The following PIEZO2 variants were observed in gnomAD, a reference collection of about 807,000 sequenced individuals.
PIEZO2 encodes piezo type mechanosensitive ion channel component 2.
PIEZO2 carries 172 observed loss-of-function variants against 337.3 expected under a neutral mutation model. That is an observed-to-expected ratio of 0.51 (90% confidence interval 0.45 to 0.58). PIEZO2 has a LOEUF of 0.58. PIEZO2 is among the 20% of genes least tolerant of loss of function. The pLI, the probability that PIEZO2 is intolerant of heterozygous loss-of-function variation, is 0.00. For synonymous variants in PIEZO2, 1,251 were observed against 1,228.5 expected (o/e 1.02, Z -0.38); for missense variants, 3,028 against 3,391.3 (o/e 0.89, Z 2.66).
At chr18:10,786,109 C>T (rs2039213827) in intron 16 of PIEZO2, among the ~76,000 whole-genome samples, 1 of 152,208 alleles carries the variant, frequency 6.6e-6, no homozygotes, top group Non-Finnish European at 1.5e-5. Flanking sequence ...TCTTCTAATG[C>T]TTCAACTGTA....
chr18:10,740,906 AC>A lies in PIEZO2; in HGVS notation c.4708+124del, dbSNP rs1436782079. The A allele has an allele frequency of 3.0e-6, 3 of 1,009,658 alleles. No homozygotes were observed. The South Asian group carries it at 4.1e-5, about 14-fold the overall frequency. The allele number at this position is 1,009,658 out of a possible 1,614,324, so 62.5% of individuals were successfully genotyped here. On this transcript the variant is annotated intron_variant, in intron 33 of 55. Transcript: ENST00000674853. ...GACATTAAAATTTTCCTACACTCCG[AC>A]CCCCTATCAAGTCACAAGGATCAAA...
At chr18:11,098,129 A>G (rs1469097380) in intron 1 of PIEZO2, among the ~76,000 whole-genome samples, 2 of 152,142 alleles carry the variant, frequency 1.3e-5, no homozygotes, top group African/African-American at 4.8e-5. Context: ...TATAAGCAAG[A>G]TAATGTGGAA....
At chr18:11,091,444 A>G (rs1228729819) in intron 1 of PIEZO2, among the ~76,000 whole-genome samples, 1 of 152,146 alleles carries the variant, frequency 6.6e-6, no homozygotes, top group Non-Finnish European at 1.5e-5. Context: ...ATTTTCTACT[A>G]AATGTATAGG....
At chr18:10,818,877 G>T (rs1816787202) in intron 7 of PIEZO2, among the ~76,000 whole-genome samples, 1 of 152,102 alleles carries the variant, frequency 6.6e-6, no homozygotes, top group African/African-American at 2.4e-5. Context: ...TTTTCAGTTA[G>T]AATATATAAC....
chr18:10,860,107 T>C, intron 5 of PIEZO2, among the ~76,000 whole-genome samples: 1 of 152,184 alleles, frequency 6.6e-6, no homozygotes, highest in South Asian at 2.1e-4. Context: ...GCATTCTTCT[T>C]GGAGGTATCC....
At chr18:10,966,676 T>C (rs1033968898) in intron 3 of PIEZO2, among the ~76,000 whole-genome samples, 1 of 152,180 alleles carries the variant, frequency 6.6e-6, no homozygotes, top group African/African-American at 2.4e-5. Context: ...GTTACATGAA[T>C]AAGTTCTTTA....
At position 10,803,905 on chromosome 18, in the gene PIEZO2, G is replaced by A. The variant is rs201658108; in HGVS notation, c.1170C>T (p.Tyr390=). ...TCTCATCAGTGGGGTAATGGGTTGC[G>A]TACCACAGGCTCCGCCTCCTCCCCG... is the stretch of plus-strand genomic sequence containing the variant. ...ITAGRRRSLW[Y]ATHYPTDERK... The change falls in exon 9 of 56, where the codon TAC becomes TAT. Residue 390 remains tyrosine (Y), a synonymous_variant. Transcript: ENST00000674853. 9.9e-5 allele frequency: 152 copies of A among 1,537,170 alleles called. No individual in the cohort carries two copies. The highest frequency in any genetic ancestry group is 5.1e-4 in the East Asian group (21 of 40,932).
chr18:10,882,187 G>T (rs1474165304), intron 4 of PIEZO2, among the ~76,000 whole-genome samples: 1 of 152,184 alleles, frequency 6.6e-6, no homozygotes, highest in East Asian at 1.9e-4. Context: ...TGTTTACTTG[G>T]CTGATTCCGT....
intron 2 of PIEZO2, among the ~76,000 whole-genome samples, chr18:11,055,618 TG>T (rs1341030176): frequency 2.7e-4 from 41 of 152,302 alleles, no homozygotes; most frequent in Non-Finnish European, 5.4e-4. Flanking sequence ...AGTGACTCAG[TG>T]ACTATTTGTG....
chr18:10,844,577 A>G (rs544404416), intron 7 of PIEZO2, among the ~76,000 whole-genome samples: 2 of 152,250 alleles, frequency 1.3e-5, no homozygotes, highest in East Asian at 3.9e-4. Flanking sequence ...TCACGAGGTC[A>G]GGAGATCCAG....
At chr18:10,690,877 T>C (rs2034788777) in intron 48 of PIEZO2, among the ~76,000 whole-genome samples, 1 of 152,202 alleles carries the variant, frequency 6.6e-6, no homozygotes, top group Admixed American at 6.5e-5. Flanking sequence ...CCAAGTTATT[T>C]GGAATAGTCC....
Position 10,973,284 on chromosome 18 carries a change from T to C in PIEZO2, c.286+6251A>G, listed in dbSNP as rs1175416430. 6.6e-6 allele frequency among the ~76,000 whole-genome samples: 1 copy of C among 152,186 alleles called. No homozygotes were observed. The highest frequency in any genetic ancestry group is 2.4e-5 in the African/African-American group (1 of 41,452). ...CTTTTGGCAGTAAAAACAATGTGTA[T>C]TCATTACTCCAAGAGCGTTGACTCC... On this transcript the variant is annotated intron_variant, in intron 3 of 55. Transcript: ENST00000674853. The surrounding 1 kb of genome is among the most constrained non-coding windows in gnomAD (Gnocchi z 4.9).
intron 33 of PIEZO2, among the ~76,000 whole-genome samples, chr18:10,737,408 C>A (rs139283555): frequency 6.6e-6 from 1 of 152,166 alleles, no homozygotes; most frequent in Admixed American, 6.5e-5. Context: ...CCAACAACAG[C>A]GCTCTGGCTG....
chr18:11,011,895 C>A (rs1282828838), intron 2 of PIEZO2, among the ~76,000 whole-genome samples: 3 of 152,200 alleles, frequency 2.0e-5, no homozygotes, highest in Non-Finnish European at 4.4e-5. Context: ...GTGGGAGGAT[C>A]ACTTGAGCCC....
Position 10,680,290 on chromosome 18 carries a change from T to C in PIEZO2, c.7861A>G (p.Thr2621Ala), listed in dbSNP as rs1294214910. The C allele has an allele frequency of 1.9e-6, 3 of 1,613,866 alleles. No individual in the cohort carries two copies. The highest frequency in any genetic ancestry group is 1.7e-5 in the Admixed American group (1 of 60,010). The stretch of plus-strand genomic sequence containing the variant: ...TTCTGCTTACTGGGTGGGCTGATGG[T>C]CCACAAAGAATTTGAGTTTCCTTCC... The part of the protein sequence containing the change: ...ELEGNSNSLW[T>A]ISPPSKQKMI... Residue 2621 changes from threonine to alanine, a missense_variant, in exon 52 of 56, where the codon ACC (threonine) becomes GCC (alanine). Thr to Ala is a moderately conservative substitution (Grantham distance 58). This residue lies in a region of PIEZO2 where 332 missense variants were observed against 363.8 expected (regional missense o/e 0.91). Coordinates refer to ENST00000674853, the MANE Select transcript of PIEZO2 (RefSeq NM_001378183.1).
At position 10,803,813 on chromosome 18, in the gene PIEZO2, T is replaced by C. The variant is rs753722504; in HGVS notation, c.1200+62A>G. The stretch of plus-strand genomic sequence containing the variant: ...ATATATGATATTATAAGGCTCATAT[T>C]CAACAGTAAAATACAAAAACAGAAA... On this transcript the variant is annotated intron_variant, in intron 9 of 55. Transcript: ENST00000674853. 2.1e-4 allele frequency: 315 copies of C among 1,523,820 alleles called. 1 individual carries two copies. The highest frequency in any genetic ancestry group is 3.9e-4 in the South Asian group (32 of 81,662). The allele number at this position is 1,523,820 out of a possible 1,614,324, so 94.4% of individuals were successfully genotyped here.
intron 1 of PIEZO2, among the ~76,000 whole-genome samples, chr18:11,076,711 A>T (rs1045390064): frequency 1.1e-4 from 16 of 152,232 alleles, no homozygotes; most frequent in African/African-American, 3.9e-4. Flanking sequence ...TATTAGTAAC[A>T]GTACATATAT....
chr18:10,717,210 A>C (rs1440001318), intron 37 of PIEZO2, among the ~76,000 whole-genome samples: 1 of 152,200 alleles, frequency 6.6e-6, no homozygotes, highest in Non-Finnish European at 1.5e-5. Flanking sequence ...ACTCTCGAAA[A>C]AGTGCCTGAG....
intron 3 of PIEZO2, among the ~76,000 whole-genome samples, chr18:10,927,912 G>A (rs1391870404): frequency 6.6e-6 from 1 of 151,952 alleles, no homozygotes; most frequent in East Asian, 1.9e-4. Context: ...GCATTTTTAG[G>A]GGAATAAAAT....
Sources: allele counts gnomAD v4.1 joint callset (sites outside exome capture counted in the v4.1 genomes callset), GRCh38; gene constraint gnomAD v4.1.1; regional missense constraint gnomAD v4.1.1; non-coding constraint Gnocchi (gnomAD v3.1); transcripts MANE v1.5; gene names NCBI Gene and HGNC (gene_info 2026-07-23, HGNC 2026-07-21).